MED1: variants seen among roughly 807,000 people sequenced by gnomAD.
MED1 encodes the protein mediator of RNA polymerase II transcription subunit 1.
MED1 carries 17 observed loss-of-function variants against 121.3 expected under a neutral mutation model. The observed-to-expected ratio is 0.14, with a 90% CI of 0.10 to 0.21. The LOEUF is 0.21. Among genes scored for constraint, MED1 ranks in the 10% least tolerant of loss-of-function variants. MED1 has a pLI of 1.00. For synonymous variants in MED1, 661 were observed against 694.4 expected, an observed-to-expected ratio of 0.95 and a Z score of 0.76; for missense variants, 1,558 against 1,919.4, an observed-to-expected ratio of 0.81 and a Z score of 3.52.
In MED1 at chr17:39,408,724, C is replaced by A; in HGVS notation, c.3497G>T (p.Gly1166Val). ...SPITKHGLSS[G>V]SSSTKMKPQG... ...AGGTTTCATCTTGGTGCTGCTAGAGCCACTGCTCAGTCCATGCTTGGTTAT... is the reference window on the plus strand; with the variant it reads ...AGGTTTCATCTTGGTGCTGCTAGAGACACTGCTCAGTCCATGCTTGGTTAT... The change falls in exon 17 of 17, where the codon GGC (glycine) becomes GTC (valine). Residue 1166 changes from glycine (G) to valine (V), a missense_variant. By Grantham distance (109) the Gly-to-Val change is moderately radical. Transcript: ENST00000300651. This position sits in a 1 kb window ranked among gnomAD's most constrained non-coding sequence, Gnocchi z 4.7. 1 of 1,614,206 alleles carries A rather than the reference C, an allele frequency of 6.2e-7. No homozygotes were observed. Among genetic ancestry groups the A allele is most frequent in the Non-Finnish European group, 8.5e-7 (1 of 1,180,042 alleles).
At chr17:39,425,776 T>C (rs904649696) in intron 10 of MED1, among the ~76,000 whole-genome samples, 1 of 150,180 alleles carries the variant, frequency 6.7e-6, no homozygotes, top group Non-Finnish European at 1.5e-5. Flanking sequence ...CACTCCAGCC[T>C]GGGCGACAGA....
chr17:39,425,943 T>C (rs973108599), intron 10 of MED1, among the ~76,000 whole-genome samples: 8 of 152,182 alleles, frequency 5.3e-5, no homozygotes, highest in African/African-American at 1.9e-4. Flanking sequence ...TTTACTTATT[T>C]TTTCTTCAGA....
chr17:39,447,893 G>C lies in MED1; in HGVS notation c.37C>G (p.Leu13Val). ...TCCAGGAGAGAACTCATCTTACTCA[G>C]CTTTTCTGACTCTATGATTTAAATC... is the stretch of plus-strand genomic sequence containing the variant. ...AQGETEESEK[L>V]SKMSSLLERL... The change falls in exon 2 of 17, where the codon CTG becomes GTG. Residue 13 changes from leucine to valine, a missense_variant. This residue lies in a region of MED1 where 443 missense variants were observed against 532.4 expected (regional missense o/e 0.83). Transcript: ENST00000300651. 1 of 1,609,876 alleles carries C rather than the reference G, an allele frequency of 6.2e-7. No homozygotes were observed. Among genetic ancestry groups the C allele is most frequent in the Non-Finnish European group, 8.5e-7 (1 of 1,176,930 alleles).
At position 39,431,946 on chromosome 17, in the gene MED1, A is replaced by T; in HGVS notation, c.571T>A (p.Tyr191Asn). The change falls in exon 8 of 17, where the codon TAC becomes AAC. Residue 191 changes from tyrosine (Y) to asparagine (N), a missense_variant. This residue lies in a region of MED1 where 443 missense variants were observed against 532.4 expected (regional missense o/e 0.83). Transcript: ENST00000300651. ...TTAAGGTTTTAGCAGTCTTACCAGT[A>T]CATAATTGCCATTTTAGAAAGATCT... ...EQDLSKMAIM[Y>N]WKATNAGPLD... The T allele has an allele frequency of 6.3e-7, 1 of 1,594,284 alleles. No individual in the cohort carries two copies. Among genetic ancestry groups the T allele is most frequent in the Non-Finnish European group, 8.6e-7 (1 of 1,161,994 alleles).
intron 16 of MED1, among the ~76,000 whole-genome samples, chr17:39,413,552 C>G (rs1046321371): frequency 1.3e-5 from 2 of 152,060 alleles, no homozygotes; most frequent in African/African-American, 4.8e-5. Context: ...TGCACTGCCA[C>G]GCCCAGCCTA....
intron 16 of MED1, among the ~76,000 whole-genome samples, chr17:39,411,342 C>T (rs1205169598): frequency 1.3e-5 from 2 of 151,918 alleles, no homozygotes; most frequent in Non-Finnish European, 2.9e-5. Flanking sequence ...CTCCTTAGGT[C>T]GGGCGCGGTG....
At chr17:39,421,699 T>G (rs1258407914) in intron 13 of MED1, among the ~76,000 whole-genome samples, 1 of 152,192 alleles carries the variant, frequency 6.6e-6, no homozygotes, top group Non-Finnish European at 1.5e-5. Context: ...TCTTAATTAC[T>G]GCTTCCAGCA....
At chr17:39,424,577 G>A in intron 11 of MED1, 50 bp downstream of exon 11, 1 of 1,237,658 alleles carries the variant, frequency 8.1e-7, no homozygotes, top group South Asian at 1.3e-5. Context: ...GTTACATACT[G>A]CGCTTTGAGA....
In MED1 at chr17:39,451,218, A is replaced by T. The variant is rs2048779745; in HGVS notation, c.-156T>A. On this transcript the variant is annotated 5_prime_UTR_variant, in exon 1 of 17. Coordinates refer to ENST00000300651, the MANE Select transcript of MED1 (RefSeq NM_004774.4). ...CAATCTGAAGTCCCCGGCGGCAAGA[A>T]GAGAAGGGTGCTCGAGGCCGCCGCC... is the stretch of plus-strand genomic sequence containing the variant. 8.6e-6 allele frequency: 7 copies of T among 813,920 alleles called. No individual in the cohort carries two copies. The allele number at this position is 813,920 out of a possible 1,614,324, so 50.4% of individuals were successfully genotyped here. A position where few individuals can be genotyped will look rare whatever the true frequency, so the allele number is the denominator to read the frequency against.
At chr17:39,423,293 C>T (rs1187950326) in intron 13 of MED1, 34 bp downstream of exon 13, 1 of 1,475,226 alleles carries the variant, frequency 6.8e-7, no homozygotes, top group East Asian at 2.3e-5. Context: ...CAAACATAAC[C>T]TACAACATTC....
chr17:39,443,524 A>G (rs759437698), intron 3 of MED1, 26 bp downstream of exon 3: 3 of 1,585,918 alleles, frequency 1.9e-6, no homozygotes, highest in Non-Finnish European at 2.6e-6. Flanking sequence ...TTGTGAAATC[A>G]GCATATTTCA....
intron 6 of MED1, among the ~76,000 whole-genome samples, chr17:39,435,009 CA>C (rs1405600632): frequency 1.3e-5 from 2 of 150,784 alleles, no homozygotes; most frequent in Admixed American, 6.6e-5. Flanking sequence ...ATTAAAAATA[CA>C]AAAAAAAATT....
At chr17:39,419,565 G>A (rs774142190) in intron 14 of MED1, 152 bp downstream of exon 14, 21 of 675,830 alleles carry the variant, frequency 3.1e-5, no homozygotes, top group African/African-American at 5.5e-5. Flanking sequence ...GCACCACCAC[G>A]TGCAGCTAAT....
intron 3 of MED1, among the ~76,000 whole-genome samples, chr17:39,441,524 C>G (rs1369250195): frequency 6.6e-6 from 1 of 152,238 alleles, no homozygotes; most frequent in Non-Finnish European, 1.5e-5. Context: ...GTAATCCTAA[C>G]ACTTTCGGAG....
At chr17:39,423,478 T>G in intron 12 of MED1, 33 bp from the exon 13 acceptor site, 1 of 1,556,728 alleles carries the variant, frequency 6.4e-7, no homozygotes, top group South Asian at 1.1e-5. Flanking sequence ...AATGATCATG[T>G]TAAGATGAAA....
chr17:39,417,370 T>G (rs534272316), intron 14 of MED1, among the ~76,000 whole-genome samples: 2 of 150,054 alleles, frequency 1.3e-5, no homozygotes, highest in Admixed American at 6.7e-5. Context: ...GGCTCATGCC[T>G]GTAATCCCAG....
chr17:39,430,895 T>C (rs574084110), intron 9 of MED1, among the ~76,000 whole-genome samples: 9 of 151,862 alleles, frequency 5.9e-5, no homozygotes, highest in Non-Finnish European at 2.9e-5. Flanking sequence ...GGTGCACACC[T>C]GTAATCCCAG....
At chr17:39,420,956 C>T (rs537144717) in intron 13 of MED1, among the ~76,000 whole-genome samples, 168 of 151,810 alleles carry the variant, frequency 1.1e-3, no homozygotes, top group Non-Finnish European at 2.1e-3. Context: ...CCACCACACC[C>T]AGCTAATTTT....
At position 39,405,424 on chromosome 17, in the gene MED1, C is replaced by T. The variant is rs1262698618; in HGVS notation, c.*2051G>A. On this transcript the variant is annotated 3_prime_UTR_variant, in exon 17 of 17. Coordinates refer to ENST00000300651, the MANE Select transcript of MED1 (RefSeq NM_004774.4). ...TATTCAGTACATTCCCCCTAAGATT[C>T]TCCCCACTCAGAACAAATTTTAAAA... 7.1e-7 allele frequency: 1 copy of T among 1,402,696 alleles called. No homozygotes were observed. Among genetic ancestry groups the T allele is most frequent in the Non-Finnish European group, 9.4e-7 (1 of 1,069,366 alleles). The allele number at this position is 1,402,696 out of a possible 1,614,324, so 86.9% of individuals were successfully genotyped here.
Sources: allele counts gnomAD v4.1 joint callset (sites outside exome capture counted in the v4.1 genomes callset), GRCh38; gene constraint gnomAD v4.1.1; regional missense constraint gnomAD v4.1.1; non-coding constraint Gnocchi (gnomAD v3.1); transcripts MANE v1.5; gene names NCBI Gene and HGNC (gene_info 2026-07-23, HGNC 2026-07-21).